BCAP29: variants seen among roughly 807,000 people sequenced by gnomAD.
BCAP29 encodes the protein B-cell receptor-associated protein 29.
BCAP29 carries 34 observed loss-of-function variants against 31.8 expected under a neutral mutation model. The ratio of observed to expected loss-of-function variants is 1.07; its 90% CI spans 0.81 to 1.42. The LOEUF is 1.42. Among genes scored for constraint, BCAP29 ranks in the 40% most tolerant of loss-of-function variants. The pLI is 0.00. For missense variants in BCAP29, 314 were observed against 269.2 expected (o/e 1.17, Z -1.16); for synonymous variants, 104 against 91.3 (o/e 1.14, Z -0.79).
intron 2 of BCAP29, among the ~76,000 whole-genome samples, chr7:107,583,502 A>G (rs1016229702): frequency 1.3e-5 from 2 of 152,154 alleles, no homozygotes; most frequent in African/African-American, 4.8e-5. Flanking sequence ...AATGTTGCCA[A>G]TTGTTAGAAC....
chr7:107,602,964 C>CTTTT (rs34887499), intron 6 of BCAP29, among the ~76,000 whole-genome samples: 41 of 68,280 alleles, frequency 6.0e-4, no homozygotes, highest in African/African-American at 7.4e-4. Context: ...TTCTTTTATT[C>CTTTT]TTTTTTTTTT....
intron 3 of BCAP29, among the ~76,000 whole-genome samples, chr7:107,588,532 G>GA (rs1260182328): frequency 6.6e-6 from 1 of 152,024 alleles, no homozygotes; most frequent in Non-Finnish European, 1.5e-5. Context: ...GATAAAATAC[G>GA]AAAAAAGGTA....
intron 3 of BCAP29, among the ~76,000 whole-genome samples, chr7:107,591,350 A>G (rs1808720595): frequency 1.3e-5 from 2 of 152,314 alleles, no homozygotes; most frequent in South Asian, 4.1e-4. Context: ...CCAGATTTCA[A>G]CAGTAAAGGG....
chr7:107,590,879 A>C (rs555608961), intron 3 of BCAP29, among the ~76,000 whole-genome samples: 1 of 152,286 alleles, frequency 6.6e-6, no homozygotes, highest in Non-Finnish European at 1.5e-5. Flanking sequence ...ATCTACAAGA[A>C]AGTTATTATG....
At chr7:107,584,356 A>G (rs1563124933) in intron 3 of BCAP29, among the ~76,000 whole-genome samples, 1 of 152,232 alleles carries the variant, frequency 6.6e-6, no homozygotes, top group African/African-American at 2.4e-5. Flanking sequence ...ATAAAAGAAT[A>G]GAATCATTAG....
rs2129297824 is a variant in BCAP29, at chr7:107,618,394, G to A, written c.*31G>A. The A allele has an allele frequency of 1.9e-6, 3 of 1,611,790 alleles. No individual in the cohort carries two copies. Among genetic ancestry groups the A allele is most frequent in the Non-Finnish European group, 1.7e-6 (2 of 1,178,388 alleles). ...ATAAAAGACACTTGCAATATACTGT[G>A]TCAAAATGATAATTTTGTTATGTTA... is the stretch of plus-strand genomic sequence containing the variant. On this transcript the variant is annotated 3_prime_UTR_variant, in exon 8 of 8. Transcript: ENST00000005259.
chr7:107,597,721 A>G (rs1253692704), intron 5 of BCAP29, among the ~76,000 whole-genome samples: 1 of 152,238 alleles, frequency 6.6e-6, no homozygotes, highest in Non-Finnish European at 1.5e-5. Context: ...GAACCTAAGC[A>G]GCCTGACTCT....
chr7:107,593,960 G>T lies in BCAP29; in HGVS notation c.199G>T (p.Val67Leu). ...ILLIVLFLDA[V>L]REVRKYSSVH... ...TTTCTTTTGTTCTGTAATAGATGCT[G>T]TGAGAGAAGTAAGGAAATATTCCTC... The change falls in exon 4 of 8, where the codon GTG becomes TTG. Residue 67 changes from valine (V) to leucine (L), a missense_variant. By Grantham distance (32) the Val-to-Leu change is conservative. Coordinates refer to ENST00000005259, the MANE Select transcript of BCAP29 (RefSeq NM_018844.4). 1 of 1,607,526 alleles carries T rather than the reference G, an allele frequency of 6.2e-7. No individual in the cohort carries two copies. The highest frequency in any genetic ancestry group is 8.5e-7 in the Non-Finnish European group (1 of 1,178,220).
At chr7:107,616,646 T>G (rs1814204981) in intron 7 of BCAP29, among the ~76,000 whole-genome samples, 1 of 152,174 alleles carries the variant, frequency 6.6e-6, no homozygotes, top group Non-Finnish European at 1.5e-5. Flanking sequence ...CTGGTTACAT[T>G]TTTTTCCTTC....
Position 107,618,681 on chromosome 7 carries a change from A to C in BCAP29, c.*318A>C, listed in dbSNP as rs1814619534. 1.3e-5 allele frequency: 16 copies of C among 1,185,480 alleles called. No homozygotes were observed. The highest frequency in any genetic ancestry group is 2.7e-5 in the Admixed American group (1 of 37,596). 73.4% of individuals were successfully genotyped at this position (1,185,480 alleles called of 1,614,324 possible). ...TTAACCGGTTGCTTCCAAAATTAGA[A>C]GTTTTAAGTTGCATGAAACCATTAA... On this transcript the variant is annotated 3_prime_UTR_variant, in exon 8 of 8. Coordinates refer to ENST00000005259, the MANE Select transcript of BCAP29 (RefSeq NM_018844.4).
chr7:107,617,673 CTTT>C (rs1562801382), intron 7 of BCAP29, among the ~76,000 whole-genome samples: 32 of 152,206 alleles, frequency 2.1e-4, no homozygotes, highest in African/African-American at 7.5e-4. Context: ...CTACTCTTGT[CTTT>C]TTATTTGATT....
chr7:107,618,261 T>C, intron 7 of BCAP29, 67 bp from the exon 8 acceptor site: 1 of 1,177,616 alleles, frequency 8.5e-7, no homozygotes, highest in South Asian at 1.8e-5. Context: ...TTTTTAAAAG[T>C]CCTTGTCATG....
intron 3 of BCAP29, among the ~76,000 whole-genome samples, chr7:107,584,755 T>A (rs1187997016): frequency 6.6e-6 from 1 of 152,062 alleles, no homozygotes; most frequent in Non-Finnish European, 1.5e-5. Context: ...ACCGCAAAAA[T>A]TTGAATATGG....
downstream of BCAP29, chr7:107,621,240 T>C: frequency 6.1e-6 from 1 of 162,948 alleles, no homozygotes; most frequent in East Asian, 1.8e-4. Context: ...TTGACTTTAA[T>C]GTCTGGGATG....
downstream of BCAP29, chr7:107,621,691 T>C (rs1240896268): frequency 6.4e-6 from 3 of 471,668 alleles, no homozygotes; most frequent in Non-Finnish European, 1.3e-5. Flanking sequence ...GAGGCAGAGA[T>C]TGGAGTGATG....
chr7:107,590,833 A>AAAGAAAGAAAG (rs1554475021), intron 3 of BCAP29, among the ~76,000 whole-genome samples: 4 of 137,826 alleles, frequency 2.9e-5, no homozygotes, highest in East Asian at 4.2e-4. Flanking sequence ...AAAAAAAAAA[A>AAAGAAAGAAAG]AAAGAAAGAA....
chr7:107,593,717 G>A (rs1809296071), intron 3 of BCAP29, among the ~76,000 whole-genome samples: 1 of 152,128 alleles, frequency 6.6e-6, no homozygotes, highest in African/African-American at 2.4e-5. Flanking sequence ...GTAAGTACTA[G>A]ATGAATAATT....
intron 2 of BCAP29, among the ~76,000 whole-genome samples, chr7:107,582,625 C>T (rs1303441615): frequency 6.6e-6 from 1 of 151,966 alleles, no homozygotes. Context: ...TAGTGTCTAC[C>T]CCTTACGGTA....
rs192673329 is a variant in BCAP29, at chr7:107,590,164, A to G, written c.194-3791A>G. ...GGAAAAATTATAGATTTGAATATTT[A>G]TTTTTAAAAAAGATTTAAAATCGGT... On this transcript the variant is annotated intron_variant, in intron 3 of 7. Coordinates refer to ENST00000005259, the MANE Select transcript of BCAP29 (RefSeq NM_018844.4). 6.6e-5 allele frequency among the ~76,000 whole-genome samples: 10 copies of G among 152,334 alleles called. No homozygotes were observed. The East Asian group carries it at 1.9e-3, about 29-fold the overall frequency.
Sources: allele counts gnomAD v4.1 joint callset (sites outside exome capture counted in the v4.1 genomes callset), GRCh38; gene constraint gnomAD v4.1.1; transcripts MANE v1.5; gene names NCBI Gene and HGNC (gene_info 2026-07-23, HGNC 2026-07-21).